EML5: variants seen among roughly 807,000 people sequenced by gnomAD.
EML5 encodes echinoderm microtubule-associated protein-like 5.
EML5 carries 120 observed loss-of-function variants against 250.0 expected under a neutral mutation model. That is an observed-to-expected ratio of 0.48 (90% CI 0.41 to 0.56). EML5 has a LOEUF of 0.56. Among genes scored for constraint, EML5 ranks in the 20% least tolerant of loss-of-function variants. The pLI, the probability that EML5 is intolerant of heterozygous loss-of-function variation, is 0.00. For synonymous variants in EML5, 771 were observed against 806.5 expected, an observed-to-expected ratio of 0.96 and a Z score of 0.75; for missense variants, 2,006 against 2,437.6, an observed-to-expected ratio of 0.82 and a Z score of 3.73.
At chr14:88,667,479 G>A (rs2092338119) in intron 21 of EML5, among the ~76,000 whole-genome samples, 1 of 152,186 alleles carries the variant, frequency 6.6e-6, no homozygotes, top group Admixed American at 6.5e-5. Context: ...GAAACATAAG[G>A]TTAGTTCTGT....
chr14:88,777,958 G>A (rs994925370), intron 1 of EML5, among the ~76,000 whole-genome samples: 2 of 152,244 alleles, frequency 1.3e-5, no homozygotes, highest in African/African-American at 4.8e-5. Context: ...CTGGGCAAAA[G>A]AGTGACATCC....
intron 1 of EML5, among the ~76,000 whole-genome samples, chr14:88,778,832 A>C (rs546065224): frequency 6.6e-6 from 1 of 152,362 alleles, no homozygotes; most frequent in African/African-American, 2.4e-5. Context: ...GGGATCAATA[A>C]TGCAGTTTAT....
chr14:88,616,135 T>C lies in EML5; in HGVS notation c.5897+7A>G. The C allele has an allele frequency of 6.2e-7, 1 of 1,613,620 alleles. No individual in the cohort carries two copies. Among genetic ancestry groups the C allele is most frequent in the Non-Finnish European group, 8.5e-7 (1 of 1,179,584 alleles). ...TCTGCTCTTCATGGGCTGAGAAAGT[T>C]ACTAACCTGCAGTCATCACCTCCAG... On this transcript the variant is annotated splice_region_variant and intron_variant, in intron 43 of 43. Coordinates refer to ENST00000554922, the MANE Select transcript of EML5 (RefSeq NM_183387.3).
At chr14:88,719,199 A>G (rs2093551843) in intron 8 of EML5, among the ~76,000 whole-genome samples, 1 of 152,056 alleles carries the variant, frequency 6.6e-6, no homozygotes, top group Non-Finnish European at 1.5e-5. Flanking sequence ...CAACTGGGCA[A>G]AATGACAAGA....
intron 8 of EML5, among the ~76,000 whole-genome samples, chr14:88,718,335 C>T (rs1193579553): frequency 6.6e-6 from 1 of 152,102 alleles, no homozygotes; most frequent in Non-Finnish European, 1.5e-5. Context: ...CAGAATGAGA[C>T]TATCTAGGGA....
chr14:88,679,369 TTAAAA>T (rs1365928013), intron 21 of EML5, among the ~76,000 whole-genome samples: 3 of 151,948 alleles, frequency 2.0e-5, no homozygotes, highest in Non-Finnish European at 4.4e-5. Context: ...AATGCTTTCT[TTAAAA>T]TAAATATTAT....
chr14:88,647,671 C>T (rs577673047), intron 28 of EML5, among the ~76,000 whole-genome samples: 1 of 96,954 alleles, frequency 1.0e-5, no homozygotes, highest in East Asian at 3.6e-4. Context: ...GCCTAGGTAA[C>T]AGAGTGAGAC....
chr14:88,652,355 C>T (rs1000690700), intron 27 of EML5, among the ~76,000 whole-genome samples: 5 of 152,240 alleles, frequency 3.3e-5, no homozygotes, highest in South Asian at 2.1e-4. Flanking sequence ...TCCCTGGCAA[C>T]GCGGGGGTCA....
At chr14:88,771,839 T>C (rs1406455711) in intron 1 of EML5, among the ~76,000 whole-genome samples, 4 of 152,202 alleles carry the variant, frequency 2.6e-5, no homozygotes, top group Non-Finnish European at 5.9e-5. Flanking sequence ...CTTCCTTCTC[T>C]GTCTCCATTG....
At chr14:88,756,312 T>A (rs74352823) in intron 1 of EML5, among the ~76,000 whole-genome samples, 8,916 of 152,204 alleles carry the variant, frequency 0.059, 700 homozygotes, top group African/African-American at 0.17. Context: ...CCCAATCCCT[T>A]CATGATAAAA....
In EML5 at chr14:88,621,273, G is replaced by T. The variant is rs1291006336; in HGVS notation, c.5042C>A (p.Ala1681Asp). ...TTTCTCTCCAACTTCGATTATTTCAGCATTCCTTGTCCCAACAAGGATCTT... is the reference window on the plus strand; with the variant it reads ...TTTCTCTCCAACTTCGATTATTTCATCATTCCTTGTCCCAACAAGGATCTT... ...KGKILVGTRN[A>D]EIIEVGEKNA... The change falls in exon 38 of 44, where the codon GCT (alanine) becomes GAT (aspartate). Residue 1681 changes from alanine to aspartate, a missense_variant. Transcript: ENST00000554922. 1 of 1,613,772 alleles carries T rather than the reference G, an allele frequency of 6.2e-7. No homozygotes were observed. Among genetic ancestry groups the T allele is most frequent in the Admixed American group, 1.7e-5 (1 of 59,992 alleles).
At chr14:88,748,593 A>G (rs191801022) in intron 2 of EML5, among the ~76,000 whole-genome samples, 83 of 152,334 alleles carry the variant, frequency 5.4e-4, no homozygotes, top group African/African-American at 1.9e-3. Flanking sequence ...AGGTATGTGA[A>G]GAAACAGGAA....
Position 88,694,306 on chromosome 14 carries a change from C to A in EML5, c.2539+1G>T, listed in dbSNP as rs1032199296. On this transcript the variant is annotated splice_donor_variant, in intron 17 of 43. Transcript: ENST00000554922. LOFTEE classifies it high-confidence loss of function. ...GGAGTAAAAAAGAAGCACTTTCTTACCTGCTTTACGCCAAAATTTCATGTG... is the reference window on the plus strand; with the variant it reads ...GGAGTAAAAAAGAAGCACTTTCTTAACTGCTTTACGCCAAAATTTCATGTG... 6.4e-7 allele frequency: 1 copy of A among 1,569,020 alleles called. No individual in the cohort carries two copies. The highest frequency in any genetic ancestry group is 1.9e-5 in the Admixed American group (1 of 52,504).
Position 88,613,681 on chromosome 14 carries a change from G to A in EML5, c.*2137C>T, listed in dbSNP as rs533484465. On this transcript the variant is annotated 3_prime_UTR_variant, in exon 44 of 44. Coordinates refer to ENST00000554922, the MANE Select transcript of EML5 (RefSeq NM_183387.3). ...ACAAAAAAAGGAAGGAAATGAGCAT[G>A]GTTGGCGATTGGAAGCAAGGGTACC... 1 of 152,210 alleles carries A rather than the reference G, an allele frequency of 6.6e-6. No individual in the cohort carries two copies. The highest frequency in any genetic ancestry group is 2.4e-5 in the African/African-American group (1 of 41,530). The allele number at this position is 152,210 out of a possible 1,614,324, so 9.4% of individuals were successfully genotyped here.
In EML5 at chr14:88,662,542, C is replaced by CTT. The variant is rs56347693; in HGVS notation, c.3498+487_3498+488dup. On this transcript the variant is annotated intron_variant, in intron 24 of 43. Transcript: ENST00000554922. Reference sequence around the variant, plus strand: ...AGCTAGCCGTGCAAGTGATTTATTCCTTTTTTTTTTTTTTTTTTAATACAG... The same window carrying CTT: ...AGCTAGCCGTGCAAGTGATTTATTCCTTTTTTTTTTTTTTTTTTTTAATACAG... Among the ~76,000 whole-genome samples the CTT allele has an allele frequency of 8.0e-3, 974 of 121,694 alleles. 9 individuals carry two copies. The highest frequency in any genetic ancestry group is 0.015 in the South Asian group (55 of 3,748). 79.8% of individuals were successfully genotyped at this position (121,694 alleles called of 152,430 possible).
intron 19 of EML5, 61 bp from the exon 20 acceptor site, chr14:88,685,203 A>G (rs1249906765): frequency 7.3e-7 from 1 of 1,364,388 alleles, no homozygotes; most frequent in Non-Finnish European, 9.8e-7. Context: ...AACAGTGTAT[A>G]TATTGCCAAT....
intron 32 of EML5, among the ~76,000 whole-genome samples, chr14:88,638,528 G>A (rs769213951): frequency 7.9e-5 from 12 of 152,072 alleles, no homozygotes; most frequent in Non-Finnish European, 1.2e-4. Context: ...CCTTTTTGCT[G>A]ACCAGAAATT....
chr14:88,732,257 G>A (rs987402598), intron 7 of EML5, among the ~76,000 whole-genome samples: 3 of 152,252 alleles, frequency 2.0e-5, no homozygotes, highest in Admixed American at 1.3e-4. Flanking sequence ...GTGTAAGGAA[G>A]GGATCCAGTT....
At chr14:88,665,200 C>A in intron 22 of EML5, 137 bp downstream of exon 22, 1 of 904,102 alleles carries the variant, frequency 1.1e-6, no homozygotes, top group Non-Finnish European at 1.6e-6. Flanking sequence ...AGGGCTTTTA[C>A]CTCTTGCTAC....
Sources: gnomAD v4.1 joint callset for allele counts (sites outside exome capture counted in the v4.1 genomes callset) on GRCh38, gnomAD v4.1.1 for gene constraint, MANE v1.5 for transcripts, NCBI Gene and HGNC (gene_info 2026-07-23, HGNC 2026-07-21) for gene names.